PDE4D: variants seen among roughly 807,000 people sequenced by gnomAD.
PDE4D encodes the protein 3',5'-cyclic-AMP phosphodiesterase 4D.
PDE4D carries 24 observed loss-of-function variants against 87.4 expected under a neutral mutation model. The observed-to-expected ratio is 0.27, with a 90% CI of 0.20 to 0.39. The LOEUF (loss-of-function observed/expected upper bound fraction) is 0.39, where lower values mean the gene tolerates loss of function less well. PDE4D is among the 10% of genes least tolerant of loss of function. PDE4D has a pLI of 1.00. For synonymous variants in PDE4D, 384 were observed against 383.2 expected, an observed-to-expected ratio of 1.00 and a Z score of -0.02; for missense variants, 714 against 1,041.0, an observed-to-expected ratio of 0.69 and a Z score of 4.32.
intron 1 of PDE4D, among the ~76,000 whole-genome samples, chr5:59,623,177 C>T (rs1375257774): frequency 6.6e-6 from 1 of 152,144 alleles, no homozygotes; most frequent in Non-Finnish European, 1.5e-5. Flanking sequence ...TTGCTCACAT[C>T]CTCATTTGGC....
intron 5 of PDE4D, chr5:59,039,399 G>T: frequency 9.9e-7 from 1 of 1,008,002 alleles, no homozygotes; most frequent in Non-Finnish European, 1.2e-6. Context: ...TCCACAGCCG[G>T]ATCTCCTCGG....
chr5:59,571,455 G>A (rs73758807), intron 1 of PDE4D, among the ~76,000 whole-genome samples: 2,537 of 152,296 alleles, frequency 0.017, 65 homozygotes, highest in African/African-American at 0.057. Context: ...TGCTTATAAT[G>A]AACTTGAATG....
chr5:59,671,565 C>T (rs1024616076), intron 1 of PDE4D, among the ~76,000 whole-genome samples: 4 of 152,068 alleles, frequency 2.6e-5, no homozygotes, highest in Middle Eastern at 3.4e-3. Flanking sequence ...CCCAACACTT[C>T]GGGAGATGGA....
At chr5:60,048,630 A>C (rs1371507445) in intron 2 of PDE4D, among the ~76,000 whole-genome samples, 1 of 151,796 alleles carries the variant, frequency 6.6e-6, no homozygotes, top group Non-Finnish European at 1.5e-5. Flanking sequence ...TATGAAGCTT[A>C]GTTTGGCTGG....
chr5:59,507,779 T>C (rs1311193856), intron 1 of PDE4D, among the ~76,000 whole-genome samples: 2 of 151,348 alleles, frequency 1.3e-5, no homozygotes, highest in African/African-American at 4.9e-5. Context: ...GTAAATAATA[T>C]GAATATTATC....
At chr5:59,466,582 G>GT (rs773063802) in intron 1 of PDE4D, among the ~76,000 whole-genome samples, 2 of 152,150 alleles carry the variant, frequency 1.3e-5, no homozygotes, top group Non-Finnish European at 2.9e-5. Context: ...CTCTGCTACT[G>GT]TTTTTTTCTG....
chr5:59,763,587 C>T (rs999315420), intron 1 of PDE4D, among the ~76,000 whole-genome samples: 3 of 152,040 alleles, frequency 2.0e-5, no homozygotes, highest in South Asian at 2.1e-4. Context: ...AATTCAATGA[C>T]GAGAAAAGCC....
At chr5:59,266,318 G>A (rs961006320) in intron 1 of PDE4D, among the ~76,000 whole-genome samples, 3 of 151,644 alleles carry the variant, frequency 2.0e-5, no homozygotes, top group African/African-American at 7.3e-5. Flanking sequence ...TACCACTTAA[G>A]CATTGACATT....
At chr5:59,329,636 T>C (rs1776350899) in intron 1 of PDE4D, among the ~76,000 whole-genome samples, 1 of 152,228 alleles carries the variant, frequency 6.6e-6, no homozygotes, top group Admixed American at 6.5e-5. Flanking sequence ...AGCATATCTA[T>C]ATTATCTGCC....
At chr5:60,059,054 G>GTGTGTC (rs1279136402) in intron 2 of PDE4D, among the ~76,000 whole-genome samples, 2 of 151,274 alleles carry the variant, frequency 1.3e-5, no homozygotes, top group Non-Finnish European at 3.0e-5. Context: ...GTGTGTGTGT[G>GTGTGTC]TGTGTGTGTG....
intron 1 of PDE4D, among the ~76,000 whole-genome samples, chr5:60,321,577 A>T (rs1010542859): frequency 6.6e-6 from 1 of 152,244 alleles, no homozygotes; most frequent in African/African-American, 2.4e-5. Context: ...GCTTTTGCAC[A>T]GCAAAAGAAA....
chr5:60,261,761 C>A (rs781773527), intron 1 of PDE4D, among the ~76,000 whole-genome samples: 1 of 152,116 alleles, frequency 6.6e-6, no homozygotes, highest in Non-Finnish European at 1.5e-5. Context: ...AAATAAAAGT[C>A]TCTTCAATTA....
At chr5:59,292,120 G>A (rs1768160407) in intron 1 of PDE4D, among the ~76,000 whole-genome samples, 1 of 152,018 alleles carries the variant, frequency 6.6e-6, no homozygotes, top group African/African-American at 2.4e-5. Context: ...GAAAGAATAT[G>A]AAAAAGTTCT....
chr5:59,791,296 A>G (rs1256683699), intron 1 of PDE4D, among the ~76,000 whole-genome samples: 1 of 152,210 alleles, frequency 6.6e-6, no homozygotes, highest in Non-Finnish European at 1.5e-5. Context: ...CAAACACTCT[A>G]CTTGATCTTA....
chr5:59,180,756 T>G, intron 4 of PDE4D, 112 bp from the exon 5 acceptor site: 1 of 1,020,034 alleles, frequency 9.8e-7, no homozygotes, highest in Non-Finnish European at 1.5e-6. Flanking sequence ...TTTTTAAGTT[T>G]GGACACGCAA....
intron 1 of PDE4D, among the ~76,000 whole-genome samples, chr5:59,417,438 G>C (rs1181370457): frequency 1.3e-5 from 2 of 151,872 alleles, no homozygotes; most frequent in Non-Finnish European, 2.9e-5. Flanking sequence ...ACTACTGAAA[G>C]GGAATAACAC....
At chr5:59,379,889 T>C (rs1039981776) in intron 1 of PDE4D, among the ~76,000 whole-genome samples, 1 of 152,152 alleles carries the variant, frequency 6.6e-6, no homozygotes, top group Non-Finnish European at 1.5e-5. Context: ...TACATGAGTA[T>C]ATTGCGTGAT....
rs116081813 is a variant in PDE4D at position 59,578,896 on chromosome 5, G to C, written c.455+314272C>G. 7.2e-5 allele frequency among the ~76,000 whole-genome samples: 11 copies of C among 152,010 alleles called. No homozygotes were observed. In the South Asian group the frequency reaches 1.9e-3, roughly 26 times the overall value. ...TGCTTCCTACTCTTAAAAGTGCTTGGTGTTCTTCACTAGCTACTGTGTTTT... is the reference window on the plus strand; with the variant it reads ...TGCTTCCTACTCTTAAAAGTGCTTGCTGTTCTTCACTAGCTACTGTGTTTT... On this transcript the variant is annotated intron_variant, in intron 1 of 14. Transcript: ENST00000340635.
intron 1 of PDE4D, among the ~76,000 whole-genome samples, chr5:59,501,622 AG>A (rs1436262962): frequency 8.5e-5 from 13 of 152,182 alleles, no homozygotes; most frequent in Non-Finnish European, 1.8e-4. Flanking sequence ...GAAAAAACCC[AG>A]CAGTTGTGTA....
Sources: allele counts gnomAD v4.1 joint callset (sites outside exome capture counted in the v4.1 genomes callset), GRCh38; gene constraint gnomAD v4.1.1; transcripts MANE v1.5; gene names NCBI Gene and HGNC (gene_info 2026-07-23, HGNC 2026-07-21).